CCHCR1: variants seen among roughly 807,000 people sequenced by gnomAD.
The protein encoded by CCHCR1 is coiled-coil alpha-helical rod protein 1.
CCHCR1 carries 91 observed loss-of-function variants against 114.6 expected under a neutral mutation model. The observed-to-expected ratio is 0.79, with a 90% CI of 0.67 to 0.94. The LOEUF (loss-of-function observed/expected upper bound fraction) is 0.94. CCHCR1 is among the 40% of genes least tolerant of loss of function. The pLI, the probability that CCHCR1 is intolerant of heterozygous loss-of-function variation, is 0.00. For missense variants in CCHCR1, 899 were observed against 1,079.9 expected, an observed-to-expected ratio of 0.83 and a Z score of 2.35; for synonymous variants, 379 against 428.5, an observed-to-expected ratio of 0.88 and a Z score of 1.43.
rs1776296631 is a variant in CCHCR1, at chr6:31,157,757, C to T, written c.-157G>A. 1 of 627,622 alleles carries T rather than the reference C, an allele frequency of 1.6e-6. No individual in the cohort carries two copies. The highest frequency in any genetic ancestry group is 2.7e-5 in the East Asian group (1 of 36,570). The allele number at this position is 627,622 out of a possible 1,614,324, so 38.9% of individuals were successfully genotyped here. ...TAGCTTCCATGCCTGCTGCCCGCCT[C>T]CTCTTTCTCGAGTCCTAACACATAG... On this transcript the variant is annotated 5_prime_UTR_variant, in exon 1 of 18. Transcript: ENST00000396268.
chr6:31,148,366 G>A (rs766585400), intron 10 of CCHCR1, 39 bp downstream of exon 10: 2 of 1,284,414 alleles, frequency 1.6e-6, no homozygotes, highest in Non-Finnish European at 2.2e-6. Flanking sequence ...ACCTGAGGTG[G>A]CAGAAACACT....
At chr6:31,146,280 G>A (rs1774319828) in intron 10 of CCHCR1, among the ~76,000 whole-genome samples, 1 of 152,212 alleles carries the variant, frequency 6.6e-6, no homozygotes, top group African/African-American at 2.4e-5. Flanking sequence ...AGGAGGTGGA[G>A]GTTCCAGTGA....
intron 3 of CCHCR1, 55 bp downstream of exon 3, chr6:31,156,676 T>C: frequency 2.0e-6 from 3 of 1,464,742 alleles, no homozygotes; most frequent in East Asian, 4.5e-5. Flanking sequence ...TTTATTCCAG[T>C]GAGGAAGGGT....
chr6:31,144,763 C>T lies in CCHCR1; in HGVS notation c.2091G>A (p.Val697=). ...AGAGTTGCTCCCGCAGCCGAGTTTC[C>T]ACTTCAGCCACCTTTTCTTGCAGGG... ...GQALQEKVAE[V]ETRLREQLSD... Residue 697 remains valine (V), a synonymous_variant, in exon 15 of 18, where the codon GTG becomes GTA. Transcript: ENST00000396268. The surrounding 1 kb of genome is among the most constrained non-coding windows in gnomAD (Gnocchi z 4.6). 4 of 1,614,050 alleles carry T rather than the reference C, an allele frequency of 2.5e-6. No homozygotes were observed. The highest frequency in any genetic ancestry group is 3.4e-6 in the Non-Finnish European group (4 of 1,179,980).
At chr6:31,146,492 C>A (rs1190675698) in intron 10 of CCHCR1, among the ~76,000 whole-genome samples, 1 of 152,140 alleles carries the variant, frequency 6.6e-6, no homozygotes, top group Non-Finnish European at 1.5e-5. Flanking sequence ...CTTAAACAGG[C>A]CCCAGGAGGA....
At position 31,142,848 on chromosome 6, in the gene CCHCR1, G is replaced by T. The variant is rs574752072; in HGVS notation, c.2491+115C>A. The stretch of plus-strand genomic sequence containing the variant: ...TGGTCCAAGCTGGGCATCGCTAAAA[G>T]AGGCTAAGGGCCTCGAAGGACCGCA... On this transcript the variant is annotated intron_variant, in intron 17 of 17. Transcript: ENST00000396268. 4,373 of 1,485,966 alleles carry T rather than the reference G, an allele frequency of 2.9e-3. 28 individuals are homozygous for T. Among genetic ancestry groups the T allele is most frequent in the Middle Eastern group, 0.015 (62 of 4,146 alleles). 92.0% of individuals were successfully genotyped at this position (1,485,966 alleles called of 1,614,324 possible).
chr6:31,145,175 G>T lies in CCHCR1; in HGVS notation c.1867C>A (p.Arg623=). 1 of 1,612,662 alleles carries T rather than the reference G, an allele frequency of 6.2e-7. No individual in the cohort carries two copies. The change falls in exon 13 of 18, where the codon CGG becomes AGG. Residue 623 remains arginine, a synonymous_variant. Coordinates refer to ENST00000396268, the MANE Select transcript of CCHCR1 (RefSeq NM_001105564.2). Reference sequence around the variant, plus strand: ...TGGCAACCAGGTGTACCTTGCTCCCGAGCCCGGCCCACCTCCTGCTGGATG... The same window carrying T: ...TGGCAACCAGGTGTACCTTGCTCCCTAGCCCGGCCCACCTCCTGCTGGATG... The part of the protein sequence containing the change: ...RLIQQEVGRA[R]EQGEAERQQL...
At position 31,156,935 on chromosome 6, in the gene CCHCR1, C is replaced by G; in HGVS notation, c.293G>C (p.Gly98Ala). ...VEMFPPSGST[G>A]LIPPSHFQAR... ...TTGAAAGTGGGAGGGGGGAATCAGC[C>G]CAGTGGAACCTGAAGAATTACAAAA... Residue 98 changes from glycine to alanine, a missense_variant, in exon 3 of 18, where the codon GGG becomes GCG. By Grantham distance (60) the Gly-to-Ala change is moderately conservative. Coordinates refer to ENST00000396268, the MANE Select transcript of CCHCR1 (RefSeq NM_001105564.2). The G allele has an allele frequency of 6.2e-7, 1 of 1,612,848 alleles. No individual in the cohort carries two copies. The highest frequency in any genetic ancestry group is 1.1e-5 in the South Asian group (1 of 91,080).
rs1382930127 is a variant in CCHCR1 at position 31,151,273 on chromosome 6, G to A, written c.802-151C>T. The A allele has an allele frequency of 5.3e-6, 4 of 759,618 alleles. No individual in the cohort carries two copies. The highest frequency in any genetic ancestry group is 1.8e-5 in the African/African-American group (1 of 57,104). 47.1% of individuals were successfully genotyped at this position (759,618 alleles called of 1,614,324 possible). ...ATGGAGAGCTGGCAACTCACTCTCCGCAGCTGCCCCACAACCCATCAGGAG... is the reference window on the plus strand; with the variant it reads ...ATGGAGAGCTGGCAACTCACTCTCCACAGCTGCCCCACAACCCATCAGGAG... On this transcript the variant is annotated intron_variant, in intron 4 of 17. Transcript: ENST00000396268. The surrounding 1 kb of genome is among the most constrained non-coding windows in gnomAD (Gnocchi z 4.1).
In CCHCR1 at chr6:31,148,472, G is replaced by T; in HGVS notation, c.1513C>A (p.Arg505Ser). ...GAGGCTGTCTGCTGCTGCCACCGAC[G>T]CCTGGCCTCCTGAGCACGGCTCAGC... is the stretch of plus-strand genomic sequence containing the variant. Reference protein sequence around the residue: ...LELSRAQEARRRWQQQTASAE... With the variant: ...LELSRAQEARSRWQQQTASAE... The change falls in exon 10 of 18, where the codon CGT becomes AGT. Residue 505 changes from arginine to serine, a missense_variant. Transcript: ENST00000396268. 6.2e-7 allele frequency: 1 copy of T among 1,612,710 alleles called. No individual in the cohort carries two copies. The highest frequency in any genetic ancestry group is 8.5e-7 in the Non-Finnish European group (1 of 1,179,802).
chr6:31,145,395 C>T, intron 12 of CCHCR1, 53 bp downstream of exon 12: 1 of 1,612,772 alleles, frequency 6.2e-7, no homozygotes, highest in Non-Finnish European at 8.5e-7. Context: ...TTTTGGGGGT[C>T]CCAGCAGCCA....
Position 31,154,603 on chromosome 6 carries a change from C to A in CCHCR1, c.694G>T (p.Ala232Ser), listed in dbSNP as rs763100098. 1.2e-6 allele frequency: 2 copies of A among 1,613,076 alleles called. No individual in the cohort carries two copies. The highest frequency in any genetic ancestry group is 4.5e-5 in the East Asian group (2 of 44,886). ...ARAEKAGRAEAEGLRAALAGA... is the reference protein window; with the variant it reads ...ARAEKAGRAESEGLRAALAGA... Reference sequence around the variant, plus strand: ...GCCAAAGCAGCACGCAGGCCCTCAGCCTCAGCTCGGCCGGCCTTCTCCGCC... The same window carrying A: ...GCCAAAGCAGCACGCAGGCCCTCAGACTCAGCTCGGCCGGCCTTCTCCGCC... The change falls in exon 4 of 18, where the codon GCT becomes TCT. Residue 232 changes from alanine (A) to serine (S), a missense_variant. By Grantham distance (99) the Ala-to-Ser change is moderately conservative (BLOSUM62 1). Transcript: ENST00000396268. The surrounding 1 kb of genome is among the most constrained non-coding windows in gnomAD (Gnocchi z 4.1).
chr6:31,156,462 C>T (rs1776027022), intron 3 of CCHCR1: 6 of 494,892 alleles, frequency 1.2e-5, no homozygotes, highest in Non-Finnish European at 1.8e-5. Flanking sequence ...GCTTTACCAT[C>T]AGCTGGTGGT....
At chr6:31,145,868 G>A (rs1774260722) in intron 10 of CCHCR1, 60 bp from the exon 11 acceptor site, 8 of 1,039,818 alleles carry the variant, frequency 7.7e-6, no homozygotes, top group Non-Finnish European at 1.2e-5. Context: ...AGGACTTGCT[G>A]TGCCTTGTAT....
Position 31,157,767 on chromosome 6 carries a change from G to A in CCHCR1, c.-167C>T. The A allele has an allele frequency of 1.6e-6, 1 of 615,018 alleles. No individual in the cohort carries two copies. Among genetic ancestry groups the A allele is most frequent in the Non-Finnish European group, 2.9e-6 (1 of 349,516 alleles). The allele number at this position is 615,018 out of a possible 1,614,324, so 38.1% of individuals were successfully genotyped here. ...GCCTGCTGCCCGCCTCCTCTTTCTC[G>A]AGTCCTAACACATAGTGGGCACTTT... is the stretch of plus-strand genomic sequence containing the variant. On this transcript the variant is annotated 5_prime_UTR_variant, in exon 1 of 18. Transcript: ENST00000396268.
rs1423618224 is a variant in CCHCR1, at chr6:31,157,746, G to T, written c.-146C>A. ...TACTATCCCCTTAGCTTCCATGCCT[G>T]CTGCCCGCCTCCTCTTTCTCGAGTC... On this transcript the variant is annotated 5_prime_UTR_variant, in exon 1 of 18. Coordinates refer to ENST00000396268, the MANE Select transcript of CCHCR1 (RefSeq NM_001105564.2). 8 of 644,198 alleles carry T rather than the reference G, an allele frequency of 1.2e-5. No homozygotes were observed. The highest frequency in any genetic ancestry group is 1.2e-4 in the South Asian group (6 of 51,590). The allele number at this position is 644,198 out of a possible 1,614,324, so 39.9% of individuals were successfully genotyped here. A position where few individuals can be genotyped will look rare whatever the true frequency, so the allele number is the denominator to read the frequency against.
chr6:31,148,367 C>T, intron 10 of CCHCR1, 38 bp downstream of exon 10: 1 of 1,298,794 alleles, frequency 7.7e-7, no homozygotes, highest in Non-Finnish European at 1.1e-6. Flanking sequence ...CCTGAGGTGG[C>T]AGAAACACTA....
Position 31,157,583 on chromosome 6 carries a change from A to C in CCHCR1, c.18T>G (p.Ala6=). 6.2e-7 allele frequency: 1 copy of C among 1,611,722 alleles called. No individual in the cohort carries two copies. The highest frequency in any genetic ancestry group is 8.5e-7 in the Non-Finnish European group (1 of 1,179,600). MWPHS[A]GARPWASTLT... is the part of the protein sequence containing the mutation. ...AAGTGCTGGCCCAAGGCCTGGCCCC[A>C]GCTGAATGTGGCCACATGCAGGGCT... The change falls in exon 1 of 18, where the codon GCT becomes GCG. Residue 6 remains alanine, a synonymous_variant. Coordinates refer to ENST00000396268, the MANE Select transcript of CCHCR1 (RefSeq NM_001105564.2).
At position 31,150,672 on chromosome 6, in the gene CCHCR1, G is replaced by A; in HGVS notation, c.1101+53C>T. On this transcript the variant is annotated intron_variant, in intron 6 of 17. Coordinates refer to ENST00000396268, the MANE Select transcript of CCHCR1 (RefSeq NM_001105564.2). This position sits in a 1 kb window ranked among gnomAD's most constrained non-coding sequence, Gnocchi z 5.3. Reference sequence around the variant, plus strand: ...ACACGCTCCTCCAAGGGCCACGCTTGCCTCCCAACCTGATCCCTAAGTCTG... The same window carrying A: ...ACACGCTCCTCCAAGGGCCACGCTTACCTCCCAACCTGATCCCTAAGTCTG... The A allele has an allele frequency of 6.2e-7, 1 of 1,600,932 alleles. No individual in the cohort carries two copies. The highest frequency in any genetic ancestry group is 8.5e-7 in the Non-Finnish European group (1 of 1,172,678).
Sources: allele counts gnomAD v4.1 joint callset (sites outside exome capture counted in the v4.1 genomes callset), GRCh38; gene constraint gnomAD v4.1.1; non-coding constraint Gnocchi (gnomAD v3.1); transcripts MANE v1.5; gene names NCBI Gene and HGNC (gene_info 2026-07-23, HGNC 2026-07-21).